Variants in CNPY2 observed in about 807,000 individuals in gnomAD.
CNPY2 encodes protein canopy homolog 2.
Under a neutral mutation model 25.5 loss-of-function variants are expected in CNPY2, and 19 were observed. The ratio of observed to expected loss-of-function variants is 0.74; its 90% CI spans 0.52 to 1.09. CNPY2 has a LOEUF of 1.09. CNPY2 is among the 50% of genes least tolerant of loss of function. The pLI is 0.00. For synonymous variants in CNPY2, 82 were observed against 85.0 expected, an observed-to-expected ratio of 0.96 and a Z score of 0.19; for missense variants, 214 against 233.6, an observed-to-expected ratio of 0.92 and a Z score of 0.55.
At chr12:56,313,476 C>T (rs2135936548) in intron 3 of CNPY2, among the ~76,000 whole-genome samples, 2 of 151,830 alleles carry the variant, frequency 1.3e-5, no homozygotes, top group Middle Eastern at 3.4e-3. Flanking sequence ...GGCAACAAGC[C>T]CTAAACTCCA....
At chr12:56,311,489 C>A (rs767445186) in intron 3 of CNPY2, 75 bp from the exon 4 acceptor site, 13 of 1,371,700 alleles carry the variant, frequency 9.5e-6, no homozygotes, top group Non-Finnish European at 1.4e-5. Flanking sequence ...ACTTTTCTTT[C>A]CAAATCTAGC....
intron 3 of CNPY2, chr12:56,314,549 G>T: frequency 4.2e-6 from 5 of 1,181,472 alleles, no homozygotes; most frequent in South Asian, 2.6e-5. Context: ...GATTTTGAAC[G>T]GATGTTTGCA....
At chr12:56,314,537 C>T in intron 3 of CNPY2, 1 of 1,180,190 alleles carries the variant, frequency 8.5e-7, no homozygotes, top group Non-Finnish European at 1.1e-6. Flanking sequence ...AGCTCCGACT[C>T]AGATTTTGAA....
At chr12:56,314,557 G>A (rs1873825444) in intron 3 of CNPY2, 2 of 1,213,746 alleles carry the variant, frequency 1.6e-6, no homozygotes, top group East Asian at 8.0e-5. Flanking sequence ...ACGGATGTTT[G>A]CATGTATACC....
At position 56,310,562 on chromosome 12, in the gene CNPY2, T is replaced by C. The variant is rs775749400; in HGVS notation, c.539A>G (p.Asp180Gly). 38 of 1,614,106 alleles carry C rather than the reference T, an allele frequency of 2.4e-5. No individual in the cohort carries two copies. Among genetic ancestry groups the C allele is most frequent in the Non-Finnish European group, 3.2e-5 (38 of 1,180,062 alleles). The change falls in exon 6 of 6, where the codon GAT becomes GGT. Residue 180 changes from aspartate to glycine, a missense_variant. Coordinates refer to ENST00000273308, the MANE Select transcript of CNPY2 (RefSeq NM_014255.7). Reference protein sequence around the residue: ...LCDHALHISHDEL With the variant: ...LCDHALHISHGEL ...GGCTGCTCCAGTGGTTCATAGCTCA[T>C]CATGCGATATGTGCAGGGCATGGTC...
At chr12:56,314,738 T>C (rs1873835210) in intron 3 of CNPY2, 113 bp downstream of exon 3, 1 of 1,561,086 alleles carries the variant, frequency 6.4e-7, no homozygotes, top group Non-Finnish European at 8.7e-7. Context: ...GAGCCAAATC[T>C]TTTTTCTGAG....
At chr12:56,311,499 C>T (rs1455091782) in intron 3 of CNPY2, 85 bp from the exon 4 acceptor site, 10 of 1,273,618 alleles carry the variant, frequency 7.9e-6, no homozygotes, top group African/African-American at 7.3e-5. Context: ...CCAAATCTAG[C>T]TCCAACAACC....
intron 3 of CNPY2, among the ~76,000 whole-genome samples, chr12:56,314,144 C>G (rs1042972170): frequency 2.0e-5 from 3 of 152,066 alleles, no homozygotes; most frequent in Non-Finnish European, 4.4e-5. Flanking sequence ...CTCAGGTGAT[C>G]CGCCTGCCTT....
chr12:56,313,466 G>A (rs1312934417), intron 3 of CNPY2, among the ~76,000 whole-genome samples: 2 of 151,878 alleles, frequency 1.3e-5, no homozygotes, highest in Middle Eastern at 3.4e-3. Context: ...CTCCAGCCTG[G>A]GCAACAAGCC....
intron 5 of CNPY2, 78 bp from the exon 6 acceptor site, chr12:56,310,673 C>A (rs1030609887): frequency 3.9e-5 from 55 of 1,427,600 alleles, no homozygotes; most frequent in Middle Eastern, 3.5e-4. Flanking sequence ...TTTCCCAGAC[C>A]AAGCTGACAC....
At chr12:56,312,900 A>G (rs534641606) in intron 3 of CNPY2, 1 of 152,302 alleles carries the variant, frequency 6.6e-6, no homozygotes, top group East Asian at 1.9e-4. Flanking sequence ...GAAACAAGAC[A>G]GTTAACATTA....
rs139716087 is a variant in CNPY2 at position 56,310,377 on chromosome 12, T to C, written c.*175A>G. On this transcript the variant is annotated 3_prime_UTR_variant, in exon 6 of 6. Coordinates refer to ENST00000273308, the MANE Select transcript of CNPY2 (RefSeq NM_014255.7). ...TATCTTTCCTGTCTATATAACTCCT[T>C]ATCTTCAAGCTTAATGTAAGGGCAA... is the stretch of plus-strand genomic sequence containing the variant. 70 of 650,684 alleles carry C rather than the reference T, an allele frequency of 1.1e-4. No individual in the cohort carries two copies. Among genetic ancestry groups the C allele is most frequent in the African/African-American group, 1.0e-3 (55 of 55,122 alleles). 40.3% of individuals were successfully genotyped at this position (650,684 alleles called of 1,614,324 possible).
rs878952980 is a variant in CNPY2 at position 56,310,894 on chromosome 12, T to C, written c.505+64A>G. 1.7e-5 allele frequency: 25 copies of C among 1,429,406 alleles called. No homozygotes were observed. In the South Asian group the frequency reaches 2.5e-4, roughly 14 times the overall value. The allele number at this position is 1,429,406 out of a possible 1,614,324, so 88.5% of individuals were successfully genotyped here. ...GGTTTCTGGGATGGGGGTGTATGGG[T>C]GAGTTAGGGAATGTCAGGTTCCACA... On this transcript the variant is annotated intron_variant, in intron 5 of 5. Coordinates refer to ENST00000273308, the MANE Select transcript of CNPY2 (RefSeq NM_014255.7).
At chr12:56,311,100 C>G in intron 4 of CNPY2, 46 bp from the exon 5 acceptor site, 1 of 1,606,750 alleles carries the variant, frequency 6.2e-7, no homozygotes, top group Non-Finnish European at 8.5e-7. Context: ...AATAAGAGGC[C>G]TCTTGCCTTC....
At position 56,315,912 on chromosome 12, in the gene CNPY2, T is replaced by A. The variant is rs561953670; in HGVS notation, c.-117A>T. 7 of 153,184 alleles carry A rather than the reference T, an allele frequency of 4.6e-5. No individual in the cohort carries two copies. In the East Asian group the frequency reaches 1.3e-3, roughly 30 times the overall value. The allele number at this position is 153,184 out of a possible 1,614,324, so 9.5% of individuals were successfully genotyped here. Reference sequence around the variant, plus strand: ...AGTGGCTCCCGAAACTACACCTGGCTGCAGGGAGCAGGGCTGTCCGGGATT... The same window carrying A: ...AGTGGCTCCCGAAACTACACCTGGCAGCAGGGAGCAGGGCTGTCCGGGATT... On this transcript the variant is annotated 5_prime_UTR_variant, in exon 1 of 6. Coordinates refer to ENST00000273308, the MANE Select transcript of CNPY2 (RefSeq NM_014255.7).
At chr12:56,315,523 C>T (rs909694070) in intron 1 of CNPY2, among the ~76,000 whole-genome samples, 6 of 152,192 alleles carry the variant, frequency 3.9e-5, no homozygotes, top group Admixed American at 1.3e-4. Flanking sequence ...CACTGCATGC[C>T]TAGGGTTCAC....
intron 1 of CNPY2, 96 bp from the exon 2 acceptor site, chr12:56,315,338 T>G (rs550507535): frequency 2.9e-6 from 2 of 678,700 alleles, no homozygotes; most frequent in Non-Finnish European, 5.0e-6. Flanking sequence ...AAAGGCCTCA[T>G]TGTGACTCTG....
intron 3 of CNPY2, chr12:56,314,560 T>G: frequency 8.1e-7 from 1 of 1,236,818 alleles, no homozygotes; most frequent in South Asian, 2.2e-5. Flanking sequence ...GATGTTTGCA[T>G]GTATACCACA....
chr12:56,315,688 G>T (rs748379324), intron 1 of CNPY2, 133 bp downstream of exon 1: 3 of 167,256 alleles, frequency 1.8e-5, no homozygotes, highest in Admixed American at 5.6e-5. Context: ...AGATTCCTGC[G>T]TCCCCACCTC....
Sources: allele counts gnomAD v4.1 joint callset (sites outside exome capture counted in the v4.1 genomes callset), GRCh38; gene constraint gnomAD v4.1.1; transcripts MANE v1.5; gene names NCBI Gene and HGNC (gene_info 2026-07-23, HGNC 2026-07-21).